Variants in NFIA observed in about 807,000 individuals in gnomAD.
NFIA encodes the protein nuclear factor 1 A-type.
NFIA carries 8 observed loss-of-function variants against 62.8 expected under a neutral mutation model. That is an observed-to-expected ratio of 0.13 (90% confidence interval 0.07 to 0.23). The LOEUF is 0.23. NFIA is among the 10% of genes least tolerant of loss of function. The probability of loss-of-function intolerance (pLI) is 1.00; values close to 1 mark genes in which losing one functional copy is unlikely to be tolerated. For synonymous variants in NFIA, 235 were observed against 238.1 expected, an observed-to-expected ratio of 0.99 and a Z score of 0.12; for missense variants, 410 against 642.1, an observed-to-expected ratio of 0.64 and a Z score of 3.91.
intron 2 of NFIA, among the ~76,000 whole-genome samples, chr1:61,129,743 C>A (rs1647041527): frequency 6.6e-6 from 1 of 152,112 alleles, no homozygotes; most frequent in African/African-American, 2.4e-5. Flanking sequence ...AGCCACCACG[C>A]CTGGCCAGTC....
intron 3 of NFIA, among the ~76,000 whole-genome samples, chr1:61,327,615 G>GT (rs1661021570): frequency 6.6e-6 from 1 of 152,044 alleles, no homozygotes; most frequent in Admixed American, 6.5e-5. Context: ...TGGCTGAGTA[G>GT]TATTCCATGG....
intron 3 of NFIA, among the ~76,000 whole-genome samples, chr1:61,288,886 G>A (rs973476219): frequency 2.6e-5 from 4 of 152,140 alleles, no homozygotes; most frequent in African/African-American, 9.7e-5. Flanking sequence ...TCCCACCTCA[G>A]CCTACCAAAT....
chr1:61,373,758 A>G (rs953779196), intron 6 of NFIA, among the ~76,000 whole-genome samples: 3 of 152,086 alleles, frequency 2.0e-5, no homozygotes, highest in African/African-American at 7.2e-5. Context: ...TTCCCATTAT[A>G]CAGTTCTATA....
rs185453113 is a variant in NFIA, at chr1:61,253,096, G to A, written c.560-24424G>A. On this transcript the variant is annotated intron_variant, in intron 2 of 10. Coordinates refer to ENST00000403491, the MANE Select transcript of NFIA (RefSeq NM_001134673.4). ...TCCAGCCATGTTCCAAATGCTCTGA[G>A]TATAGGCACTGGCTGGTAAGCTTAG... Among the ~76,000 whole-genome samples the A allele has an allele frequency of 2.0e-3, 300 of 152,346 alleles. 2 individuals are homozygous for A. Among genetic ancestry groups the A allele is most frequent in the African/African-American group, 7.0e-3 (289 of 41,572 alleles).
At chr1:61,441,230 A>G (rs1667558037) in intron 10 of NFIA, among the ~76,000 whole-genome samples, 1 of 152,100 alleles carries the variant, frequency 6.6e-6, no homozygotes, top group South Asian at 2.1e-4. Flanking sequence ...ATTCCAAGGA[A>G]CAAATGCATG....
chr1:61,325,112 C>T (rs1265802460), intron 3 of NFIA, among the ~76,000 whole-genome samples: 1 of 152,198 alleles, frequency 6.6e-6, no homozygotes, highest in Admixed American at 6.5e-5. Context: ...AATGAAAGCA[C>T]ATGTTTTGCA....
intron 2 of NFIA, among the ~76,000 whole-genome samples, chr1:61,217,142 C>T (rs1653682858): frequency 6.6e-6 from 1 of 150,624 alleles, no homozygotes; most frequent in Non-Finnish European, 1.5e-5. Context: ...CTGCAACCTC[C>T]GCCTCCTGGG....
intron 3 of NFIA, among the ~76,000 whole-genome samples, chr1:61,325,770 T>C (rs1024491768): frequency 6.6e-6 from 1 of 151,578 alleles, no homozygotes; most frequent in African/African-American, 2.4e-5. Flanking sequence ...TACAAAAAAT[T>C]AGCAGGGCGT....
chr1:61,119,396 A>G (rs887182154), intron 2 of NFIA, among the ~76,000 whole-genome samples: 2 of 152,252 alleles, frequency 1.3e-5, no homozygotes, highest in African/African-American at 4.8e-5. Context: ...AAATAGCTCT[A>G]GAAAGTAAAC....
intron 2 of NFIA, among the ~76,000 whole-genome samples, chr1:61,198,001 G>A (rs1652158160): frequency 6.6e-6 from 1 of 151,926 alleles, no homozygotes; most frequent in Non-Finnish European, 1.5e-5. Context: ...AAGAGAGAAA[G>A]AAGAAAGAAA....
chr1:61,209,376 T>G (rs549879208), intron 2 of NFIA, among the ~76,000 whole-genome samples: 1 of 152,306 alleles, frequency 6.6e-6, no homozygotes, highest in South Asian at 2.1e-4. Flanking sequence ...TTGTTATTAT[T>G]TATTTATTTT....
intron 2 of NFIA, among the ~76,000 whole-genome samples, chr1:61,174,480 G>T (rs1242265492): frequency 6.6e-6 from 1 of 152,236 alleles, no homozygotes; most frequent in Non-Finnish European, 1.5e-5. Context: ...GCAAGGGGCA[G>T]AGAGATGGTA....
chr1:61,266,737 AT>A (rs1375737746), intron 2 of NFIA, among the ~76,000 whole-genome samples: 1 of 152,130 alleles, frequency 6.6e-6, no homozygotes, highest in South Asian at 2.1e-4. Context: ...TTTAAATTCC[AT>A]TTCAACAAAC....
chr1:61,256,797 A>G (rs1444036569), intron 2 of NFIA, among the ~76,000 whole-genome samples: 3 of 152,212 alleles, frequency 2.0e-5, no homozygotes, highest in Non-Finnish European at 4.4e-5. Flanking sequence ...TGATCCTTGT[A>G]TCATTTATTT....
chr1:61,105,999 G>A (rs760436997), intron 2 of NFIA, among the ~76,000 whole-genome samples: 4 of 151,510 alleles, frequency 2.6e-5, no homozygotes, highest in Non-Finnish European at 3.0e-5. Flanking sequence ...GTAGAATCTC[G>A]GTTCTGTAAC....
intron 2 of NFIA, among the ~76,000 whole-genome samples, chr1:61,187,663 G>C (rs1303316152): frequency 6.6e-6 from 1 of 152,242 alleles, no homozygotes. Flanking sequence ...AGCAGGAGTA[G>C]AGAAGTATTG....
chr1:61,391,186 A>C (rs1379233275), intron 7 of NFIA, among the ~76,000 whole-genome samples: 1 of 151,990 alleles, frequency 6.6e-6, no homozygotes, highest in African/African-American at 2.4e-5. Context: ...TCAGCATTCC[A>C]AGTGGCTGGG....
At chr1:61,349,045 G>A (rs1042415200) in intron 4 of NFIA, among the ~76,000 whole-genome samples, 7 of 152,170 alleles carry the variant, frequency 4.6e-5, no homozygotes, top group Non-Finnish European at 8.8e-5. Flanking sequence ...TGGGAGTGAG[G>A]ATGAGTGATC....
chr1:61,187,711 T>C (rs921506374), intron 2 of NFIA, among the ~76,000 whole-genome samples: 1 of 152,246 alleles, frequency 6.6e-6, no homozygotes, highest in African/African-American at 2.4e-5. Context: ...GTTTCTGTGG[T>C]GCAGGATTTT....
Sources: allele counts gnomAD v4.1 joint callset (sites outside exome capture counted in the v4.1 genomes callset), GRCh38; gene constraint gnomAD v4.1.1; transcripts MANE v1.5; gene names NCBI Gene and HGNC (gene_info 2026-07-23, HGNC 2026-07-21).